The following MACROD2 variants were observed in gnomAD, a reference collection of about 807,000 sequenced individuals.
MACROD2 encodes mono-ADP ribosylhydrolase 2.
MACROD2 carries 36 observed loss-of-function variants against 70.4 expected under a neutral mutation model. The ratio of observed to expected loss-of-function variants is 0.51; its 90% CI spans 0.39 to 0.68. MACROD2 has a LOEUF of 0.68. Among genes scored for constraint, MACROD2 ranks in the 30% least tolerant of loss-of-function variants. The probability of loss-of-function intolerance (pLI) is 0.00; values close to 1 mark genes in which losing one functional copy is unlikely to be tolerated. For missense variants in MACROD2, 496 were observed against 538.4 expected, an observed-to-expected ratio of 0.92 and a Z score of 0.78; for synonymous variants, 172 against 178.8, an observed-to-expected ratio of 0.96 and a Z score of 0.30.
At chr20:15,936,671 G>GTGTATATATATATATA (rs1555797416) in intron 11 of MACROD2, among the ~76,000 whole-genome samples, 4 of 143,296 alleles carry the variant, frequency 2.8e-5, no homozygotes, top group East Asian at 4.3e-4. Flanking sequence ...GTATATGTGT[G>GTGTATATATATATATA]TATATATATA....
At chr20:14,128,147 A>T in intron 3 of MACROD2, 1 of 476,590 alleles carries the variant, frequency 2.1e-6, no homozygotes, top group Non-Finnish European at 4.1e-6. Context: ...TTCCTAATGG[A>T]GACAATTACT....
At chr20:15,279,148 T>A (rs1332741350) in intron 6 of MACROD2, among the ~76,000 whole-genome samples, 1 of 152,208 alleles carries the variant, frequency 6.6e-6, no homozygotes, top group Non-Finnish European at 1.5e-5. Context: ...TTAAAATATA[T>A]TTTCTTCTGT....
chr20:14,185,926 T>G (rs2081340596), intron 3 of MACROD2, among the ~76,000 whole-genome samples: 1 of 152,178 alleles, frequency 6.6e-6, no homozygotes, highest in African/African-American at 2.4e-5. Flanking sequence ...CAGGTATTTT[T>G]TTTGAAACTT....
chr20:15,577,786 T>G (rs1185219613), intron 8 of MACROD2, among the ~76,000 whole-genome samples: 1 of 152,196 alleles, frequency 6.6e-6, no homozygotes, highest in African/African-American at 2.4e-5. Flanking sequence ...TGTGCTTCCC[T>G]CATTGTTTTC....
intron 8 of MACROD2, among the ~76,000 whole-genome samples, chr20:15,812,167 C>T (rs1422283617): frequency 2.0e-5 from 3 of 152,152 alleles, no homozygotes; most frequent in Non-Finnish European, 4.4e-5. Context: ...AAATCAGGGC[C>T]GTCCCCCACC....
At chr20:15,213,896 T>C (rs186759980) in intron 5 of MACROD2, among the ~76,000 whole-genome samples, 3 of 151,928 alleles carry the variant, frequency 2.0e-5, no homozygotes, top group Non-Finnish European at 2.9e-5. Context: ...ATTTTCTGTT[T>C]TCTTTTTTTT....
intron 3 of MACROD2, among the ~76,000 whole-genome samples, chr20:14,492,626 G>A (rs528644141): frequency 6.6e-6 from 1 of 152,022 alleles, no homozygotes; most frequent in Admixed American, 6.6e-5. Flanking sequence ...TTTTCACAAA[G>A]AAGGGGAGTT....
At chr20:14,740,728 A>C (rs763992956) in intron 5 of MACROD2, among the ~76,000 whole-genome samples, 3 of 152,016 alleles carry the variant, frequency 2.0e-5, no homozygotes, top group Non-Finnish European at 4.4e-5. Flanking sequence ...AATTTTAAGG[A>C]GGTATTTGTG....
intron 10 of MACROD2, among the ~76,000 whole-genome samples, chr20:15,917,077 C>T (rs1209207532): frequency 1.3e-5 from 2 of 152,146 alleles, no homozygotes; most frequent in African/African-American, 4.8e-5. Flanking sequence ...TTTGCAGACC[C>T]CTGCGCTAAA....
rs1601171911 is a variant in MACROD2, at chr20:14,059,889, G to C, written c.164-25732G>C. On this transcript the variant is annotated intron_variant, in intron 2 of 17. Transcript: ENST00000684519. Reference sequence around the variant, plus strand: ...AGGATAATGAGGGATGCTTTTCTGAGGAGGTGACATTTGAATTAGTAACTT... The same window carrying C: ...AGGATAATGAGGGATGCTTTTCTGACGAGGTGACATTTGAATTAGTAACTT... Among the ~76,000 whole-genome samples, 4 of 152,138 alleles carry C rather than the reference G, an allele frequency of 2.6e-5. No homozygotes were observed. In the East Asian group the frequency reaches 7.7e-4, roughly 29 times the overall value.
At chr20:15,357,164 C>T (rs1408432573) in intron 6 of MACROD2, among the ~76,000 whole-genome samples, 2 of 152,080 alleles carry the variant, frequency 1.3e-5, no homozygotes, top group African/African-American at 4.8e-5. Flanking sequence ...GTTATCCAGC[C>T]ATGAGACTTT....
chr20:14,625,428 A>T (rs1984089311), intron 4 of MACROD2, among the ~76,000 whole-genome samples: 1 of 152,104 alleles, frequency 6.6e-6, no homozygotes, highest in South Asian at 2.1e-4. Context: ...AGATCTTTGT[A>T]GTATGTATCT....
chr20:14,887,381 A>G (rs1382546623), intron 5 of MACROD2, among the ~76,000 whole-genome samples: 1 of 132,902 alleles, frequency 7.5e-6, no homozygotes, highest in African/African-American at 2.8e-5. Context: ...TGCACTGAAT[A>G]TGTGATTAGC....
At chr20:15,932,520 C>A (rs2065595657) in intron 10 of MACROD2, among the ~76,000 whole-genome samples, 1 of 152,096 alleles carries the variant, frequency 6.6e-6, no homozygotes, top group African/African-American at 2.4e-5. Context: ...ATACTTTATT[C>A]TTATGTCTTT....
chr20:15,706,138 A>G (rs923284642), intron 8 of MACROD2, among the ~76,000 whole-genome samples: 4 of 152,232 alleles, frequency 2.6e-5, no homozygotes, highest in African/African-American at 9.6e-5. Flanking sequence ...AGAGGAAATA[A>G]GGATACTTAT....
At chr20:15,584,450 AT>A (rs2048568733) in intron 8 of MACROD2, among the ~76,000 whole-genome samples, 1 of 152,242 alleles carries the variant, frequency 6.6e-6, no homozygotes, top group Admixed American at 6.5e-5. Flanking sequence ...TGGGAAAAAA[AT>A]GAGATGTAAT....
At chr20:16,036,183 A>G (rs1000737359) in intron 15 of MACROD2, among the ~76,000 whole-genome samples, 7 of 152,124 alleles carry the variant, frequency 4.6e-5, no homozygotes, top group African/African-American at 1.4e-4. Context: ...CATGTCACCT[A>G]TGCAACTACA....
intron 6 of MACROD2, among the ~76,000 whole-genome samples, chr20:15,379,160 T>A (rs1320386705): frequency 1.3e-5 from 2 of 152,228 alleles, no homozygotes; most frequent in Non-Finnish European, 2.9e-5. Context: ...TATGACTATA[T>A]ATGAATGTGT....
At chr20:14,388,440 T>C (rs2083491193) in intron 3 of MACROD2, among the ~76,000 whole-genome samples, 1 of 152,234 alleles carries the variant, frequency 6.6e-6, no homozygotes, top group Non-Finnish European at 1.5e-5. Flanking sequence ...CAAAACTTTA[T>C]TAATAGTCTA....
Sources: gnomAD v4.1 joint callset for allele counts (sites outside exome capture counted in the v4.1 genomes callset) on GRCh38, gnomAD v4.1.1 for gene constraint, MANE v1.5 for transcripts, NCBI Gene and HGNC (gene_info 2026-07-23, HGNC 2026-07-21) for gene names.